Variants in DOCK5 observed in about 807,000 individuals in gnomAD.
DOCK5 encodes the protein dedicator of cytokinesis protein 5.
DOCK5 carries 142 observed loss-of-function variants against 251.8 expected under a neutral mutation model. That is an observed-to-expected ratio of 0.56 (90% CI 0.49 to 0.65). DOCK5 has a LOEUF of 0.65. Ranked by LOEUF, DOCK5 falls within the 30% of genes least tolerant of loss-of-function variation. The pLI, the probability that DOCK5 is intolerant of heterozygous loss-of-function variation, is 0.00. For missense variants in DOCK5, 2,111 were observed against 2,312.3 expected, an observed-to-expected ratio of 0.91 and a Z score of 1.79; for synonymous variants, 842 against 835.5, an observed-to-expected ratio of 1.01 and a Z score of -0.13.
intron 1 of DOCK5, among the ~76,000 whole-genome samples, chr8:25,219,133 C>A (rs947493387): frequency 6.6e-6 from 1 of 152,174 alleles, no homozygotes; most frequent in Non-Finnish European, 1.5e-5. Context: ...CTGGCTACTT[C>A]CCCTCCCCTC....
chr8:25,229,320 A>T (rs551203888), intron 1 of DOCK5, among the ~76,000 whole-genome samples: 1 of 152,198 alleles, frequency 6.6e-6, no homozygotes, highest in South Asian at 2.1e-4. Flanking sequence ...CATCTCTACT[A>T]AAAATACAAA....
intron 2 of DOCK5, among the ~76,000 whole-genome samples, chr8:25,268,073 G>C (rs1430115630): frequency 2.0e-5 from 3 of 152,040 alleles, no homozygotes; most frequent in Admixed American, 1.3e-4. Context: ...ATGTTGGCCA[G>C]GCTGGTCTTA....
chr8:25,192,456 C>G (rs1801607529), intron 1 of DOCK5, among the ~76,000 whole-genome samples: 1 of 152,230 alleles, frequency 6.6e-6, no homozygotes, highest in Admixed American at 6.5e-5. Flanking sequence ...TCAGGTACCA[C>G]TGTGTAGCAG....
At chr8:25,271,742 T>C (rs1421448975) in intron 3 of DOCK5, among the ~76,000 whole-genome samples, 2 of 152,188 alleles carry the variant, frequency 1.3e-5, no homozygotes, top group Admixed American at 1.3e-4. Flanking sequence ...ATTTTTCTAC[T>C]CAAGTGAGTG....
chr8:25,342,371 A>C (rs111930665), intron 24 of DOCK5, 30 bp from the exon 25 acceptor site: 18,505 of 1,529,182 alleles, frequency 0.012, 162 homozygotes, highest in Non-Finnish European at 0.015. Flanking sequence ...CAGAACGAAG[A>C]CACTACTAAC....
Position 25,316,988 on chromosome 8 carries a change from C to G in DOCK5, c.1319-19C>G. The G allele has an allele frequency of 1.2e-6, 2 of 1,613,266 alleles. No homozygotes were observed. The highest frequency in any genetic ancestry group is 1.7e-6 in the Non-Finnish European group (2 of 1,179,404). On this transcript the variant is annotated intron_variant, in intron 13 of 51. Transcript: ENST00000276440. ...TGACTTCTCTCAGCAACACTCACAGCATGCTTATCATGTTGCAGGAGATGT... is the reference window on the plus strand; with the variant it reads ...TGACTTCTCTCAGCAACACTCACAGGATGCTTATCATGTTGCAGGAGATGT...
At chr8:25,404,168 A>G (rs1174797318) in intron 48 of DOCK5, among the ~76,000 whole-genome samples, 3 of 152,148 alleles carry the variant, frequency 2.0e-5, no homozygotes, top group Non-Finnish European at 4.4e-5. Flanking sequence ...TGGTAGCCCC[A>G]TGGCAGCTCT....
At chr8:25,321,352 A>T (rs956900746) in intron 16 of DOCK5, among the ~76,000 whole-genome samples, 82 of 152,334 alleles carry the variant, frequency 5.4e-4, no homozygotes, top group African/African-American at 1.9e-3. Context: ...AGTTTTTCCA[A>T]GGACCAGGGG....
At chr8:25,299,371 T>C (rs1382200170) in intron 8 of DOCK5, 1 of 363,452 alleles carries the variant, frequency 2.8e-6, no homozygotes, top group Non-Finnish European at 4.9e-6. Context: ...TTCAAAACAG[T>C]GTGTGGGAGG....
intron 11 of DOCK5, among the ~76,000 whole-genome samples, chr8:25,305,508 T>C (rs1366775657): frequency 6.6e-6 from 1 of 151,874 alleles, no homozygotes; most frequent in Non-Finnish European, 1.5e-5. Context: ...AAAAGAAAAA[T>C]TGATAGGTTT....
At chr8:25,187,145 G>A (rs938541618) in intron 1 of DOCK5, among the ~76,000 whole-genome samples, 1 of 150,902 alleles carries the variant, frequency 6.6e-6, no homozygotes, top group African/African-American at 2.4e-5. Flanking sequence ...AGGGTGCACC[G>A]AGCCCCCATC....
intron 15 of DOCK5, 49 bp downstream of exon 15, chr8:25,319,725 G>T: frequency 7.4e-7 from 1 of 1,359,784 alleles, no homozygotes; most frequent in Non-Finnish European, 1.0e-6. Context: ...ACCTCAGTTA[G>T]ATTCCTATCT....
intron 1 of DOCK5, among the ~76,000 whole-genome samples, chr8:25,236,173 A>T (rs992422928): frequency 2.0e-5 from 3 of 152,132 alleles, no homozygotes; most frequent in African/African-American, 7.2e-5. Flanking sequence ...CTAGAAAATG[A>T]AGTTAAGAAT....
intron 16 of DOCK5, among the ~76,000 whole-genome samples, chr8:25,321,281 T>C (rs977325515): frequency 1.3e-5 from 2 of 152,206 alleles, no homozygotes; most frequent in Non-Finnish European, 2.9e-5. Context: ...TTGTGAACAC[T>C]AATATTCTCA....
chr8:25,394,054 C>T (rs1750905674), intron 44 of DOCK5, among the ~76,000 whole-genome samples: 1 of 152,122 alleles, frequency 6.6e-6, no homozygotes, highest in African/African-American at 2.4e-5. Flanking sequence ...TAGCAAGACC[C>T]CCACCTCTAC....
At chr8:25,191,365 T>C (rs1801578180) in intron 1 of DOCK5, among the ~76,000 whole-genome samples, 1 of 152,200 alleles carries the variant, frequency 6.6e-6, no homozygotes, top group South Asian at 2.1e-4. Context: ...CTTCCAAATA[T>C]GCAAAACAAA....
At chr8:25,257,217 T>C (rs771015615) in intron 2 of DOCK5, among the ~76,000 whole-genome samples, 4 of 152,158 alleles carry the variant, frequency 2.6e-5, no homozygotes, top group Non-Finnish European at 5.9e-5. Flanking sequence ...ACTGTGCCAT[T>C]GTGTACCTTC....
chr8:25,366,585 A>T (rs137872099), intron 30 of DOCK5, among the ~76,000 whole-genome samples: 4 of 152,184 alleles, frequency 2.6e-5, no homozygotes, highest in African/African-American at 9.7e-5. Flanking sequence ...CTTTTGAAAC[A>T]TAGTGCCAAA....
chr8:25,369,690 TAGAGAA>T (rs1800839192), intron 34 of DOCK5, 49 bp downstream of exon 34: 1 of 1,520,718 alleles, frequency 6.6e-7, no homozygotes, highest in Admixed American at 2.0e-5. Context: ...CATTTAGTAA[TAGAGAA>T]AAACAGGGGT....
Sources: allele counts gnomAD v4.1 joint callset (sites outside exome capture counted in the v4.1 genomes callset), GRCh38; gene constraint gnomAD v4.1.1; transcripts MANE v1.5; gene names NCBI Gene and HGNC (gene_info 2026-07-23, HGNC 2026-07-21).